OR2L13: variants seen among roughly 807,000 people sequenced by gnomAD.
OR2L13 encodes the protein olfactory receptor family 2 subfamily L member 13.
Under a neutral mutation model 15.3 loss-of-function variants are expected in OR2L13, and 14 were observed. That is an observed-to-expected ratio of 0.91 (90% CI 0.60 to 1.43). The LOEUF (loss-of-function observed/expected upper bound fraction) is 1.43, where lower values mean the gene tolerates loss of function less well. Among genes scored for constraint, OR2L13 ranks in the 40% most tolerant of loss-of-function variants. OR2L13 has a pLI of 0.00. For synonymous variants in OR2L13, 152 were observed against 142.9 expected (o/e 1.06, Z -0.45); for missense variants, 367 against 387.9 (o/e 0.95, Z 0.45).
chr1:248,087,360 G>A, the OR2L13 span: 1 of 152,112 alleles, frequency 6.6e-6, no homozygotes, highest in Admixed American at 6.6e-5. Flanking sequence ...TGTGATTTGT[G>A]CCTGCAACTT....
At chr1:248,096,813 C>T (rs1054123207), upstream of OR2L13, among the ~76,000 whole-genome samples, 6 of 152,134 alleles carry the variant, frequency 3.9e-5, no homozygotes, top group African/African-American at 4.8e-5. Flanking sequence ...ATTTCAGCAA[C>T]GTATCTTTTA....
At chr1:248,007,423 G>T in the OR2L13 span, among the ~76,000 whole-genome samples, 1 of 152,192 alleles carries the variant, frequency 6.6e-6, no homozygotes, top group Non-Finnish European at 1.5e-5. Flanking sequence ...CTGACGTGGT[G>T]TCTGCACTCA....
At chr1:247,991,305 G>T in the OR2L13 span, 68 of 709,374 alleles carry the variant, frequency 9.6e-5, 2 homozygotes, top group Non-Finnish European at 1.3e-4. Flanking sequence ...TATGTCAAAC[G>T]GAAATTAATC....
chr1:247,994,218 A>T, the OR2L13 span, among the ~76,000 whole-genome samples: 1 of 152,064 alleles, frequency 6.6e-6, no homozygotes, highest in South Asian at 2.1e-4. Flanking sequence ...AACACGGTGA[A>T]AACCCCGTCT....
At chr1:247,962,700 A>G in the OR2L13 span, among the ~76,000 whole-genome samples, 5 of 152,198 alleles carry the variant, frequency 3.3e-5, no homozygotes, top group East Asian at 7.7e-4. Context: ...TGTTAGAAAT[A>G]TAGTTGCACT....
chr1:248,022,518 A>C, the OR2L13 span: 1 of 1,614,150 alleles, frequency 6.2e-7, no homozygotes, highest in East Asian at 2.2e-5. Context: ...CTGTACAGAC[A>C]CCTGGGTCTA....
At chr1:248,072,125 T>C in the OR2L13 span, among the ~76,000 whole-genome samples, 2 of 151,824 alleles carry the variant, frequency 1.3e-5, no homozygotes, top group East Asian at 3.8e-4. Context: ...TGGAAAAAAC[T>C]ACTTTAAAGT....
the OR2L13 span, among the ~76,000 whole-genome samples, chr1:248,043,407 C>T: frequency 6.6e-6 from 1 of 151,910 alleles, no homozygotes; most frequent in Admixed American, 6.6e-5. Context: ...TTACATGGGC[C>T]GATATGAAGG....
At chr1:247,966,378 A>AGTTT in the OR2L13 span, 1 of 1,542,756 alleles carries the variant, frequency 6.5e-7, no homozygotes, top group Non-Finnish European at 8.8e-7. Context: ...CCTGAAAACT[A>AGTTT]TCTGGAAAGA....
At chr1:248,084,747 G>T in the OR2L13 span, 2 of 1,248,240 alleles carry the variant, frequency 1.6e-6, no homozygotes, top group Non-Finnish European at 2.2e-6. Context: ...AGACACAGAT[G>T]GTCTCATTCA....
the OR2L13 span, among the ~76,000 whole-genome samples, chr1:247,981,587 A>T: frequency 1.3e-5 from 2 of 152,204 alleles, no homozygotes; most frequent in African/African-American, 4.8e-5. Context: ...TTTAACAACC[A>T]TGCAGAGTTT....
upstream of OR2L13, among the ~76,000 whole-genome samples, chr1:248,096,587 C>A (rs937360715): frequency 6.6e-6 from 1 of 152,158 alleles, no homozygotes; most frequent in African/African-American, 2.4e-5. Flanking sequence ...GTGCTGAACA[C>A]ACAGAACTGT....
the OR2L13 span, among the ~76,000 whole-genome samples, chr1:248,071,924 T>C: frequency 3.3e-5 from 5 of 151,672 alleles, 1 homozygote; most frequent in Admixed American, 1.3e-4. Context: ...TTACAAGGGA[T>C]GTGAAGGACC....
the OR2L13 span, among the ~76,000 whole-genome samples, chr1:247,972,908 C>T: frequency 1.3e-5 from 2 of 152,198 alleles, no homozygotes; most frequent in African/African-American, 2.4e-5. Context: ...TCCAGCAGTA[C>T]ATCAAAAAGC....
the OR2L13 span, chr1:247,990,265 C>T: frequency 1.1e-6 from 1 of 879,794 alleles, no homozygotes; most frequent in Non-Finnish European, 1.9e-6. Flanking sequence ...TATGAATGCT[C>T]CATGGAAAAT....
the OR2L13 span, among the ~76,000 whole-genome samples, chr1:248,011,282 T>C: frequency 1.2e-4 from 18 of 152,172 alleles, no homozygotes; most frequent in Non-Finnish European, 8.8e-5. Context: ...TGGCTCCCAT[T>C]CTCTTCTCGC....
the OR2L13 span, among the ~76,000 whole-genome samples, chr1:247,951,475 A>G: frequency 1.3e-5 from 2 of 152,160 alleles, no homozygotes; most frequent in South Asian, 2.1e-4. Context: ...AATAAATTCT[A>G]TTGTTCTCTT....
At chr1:248,049,751 A>G in the OR2L13 span, among the ~76,000 whole-genome samples, 1 of 152,042 alleles carries the variant, frequency 6.6e-6, no homozygotes, top group Non-Finnish European at 1.5e-5. Flanking sequence ...TTTTTCTATT[A>G]TTTTTGTTTT....
the OR2L13 span, among the ~76,000 whole-genome samples, chr1:248,076,825 A>C: frequency 1.4e-4 from 21 of 152,252 alleles, no homozygotes; most frequent in Non-Finnish European, 2.5e-4. Context: ...CTAATTGCAT[A>C]CCCTTTATTT....
Sources: gnomAD v4.1 joint callset for allele counts (sites outside exome capture counted in the v4.1 genomes callset) on GRCh38, gnomAD v4.1.1 for gene constraint, MANE v1.5 for transcripts, NCBI Gene and HGNC (gene_info 2026-07-23, HGNC 2026-07-21) for gene names.